ITPR1: variants seen among roughly 807,000 people sequenced by gnomAD.
The protein encoded by ITPR1 is inositol 1,4,5-trisphosphate receptor type 1, also known as inositol 1,4,5-trisphosphate-gated calcium channel ITPR1.
A neutral mutation model predicts 318.4 loss-of-function variants in ITPR1; 96 were observed. That is an observed-to-expected ratio of 0.30 (90% CI 0.26 to 0.36). The LOEUF is 0.36. ITPR1 is among the 10% of genes least tolerant of loss of function. The pLI is 1.00. For synonymous variants in ITPR1, 1,312 were observed against 1,289.9 expected (o/e 1.02, Z -0.37); for missense variants, 2,440 against 3,460.2 (o/e 0.71, Z 7.40).
intron 4 of ITPR1, among the ~76,000 whole-genome samples, chr3:4,609,565 C>T (rs963257151): frequency 3.3e-5 from 5 of 152,084 alleles, no homozygotes; most frequent in African/African-American, 1.2e-4. Flanking sequence ...CCATGGCCCA[C>T]CTCACACGTG....
rs2094279072 is a variant in ITPR1, at chr3:4,680,635, A to G, written c.3050A>G (p.Gln1017Arg). 6.2e-7 allele frequency: 1 copy of G among 1,613,888 alleles called. No individual in the cohort carries two copies. The highest frequency in any genetic ancestry group is 8.5e-7 in the Non-Finnish European group (1 of 1,179,782). The change falls in exon 25 of 62, where the codon CAG becomes CGG. Residue 1017 changes from glutamine (Q) to arginine (R), a missense_variant. Physicochemically the swap from Gln to Arg is conservative, Grantham distance 43. Transcript: ENST00000649015. ...FKREFDESNS[Q>R]TSETSSGNSS... ...CGAGAGTTTGATGAAAGCAATTCCC[A>G]GACTTCAGAAACATCCTCCGGAAAC...
At chr3:4,533,806 T>C (rs535201234) in intron 4 of ITPR1, among the ~76,000 whole-genome samples, 25 of 152,324 alleles carry the variant, frequency 1.6e-4, no homozygotes, top group African/African-American at 6.0e-4. Flanking sequence ...GCACGAGCCT[T>C]GATCAGAGCC....
intron 4 of ITPR1, among the ~76,000 whole-genome samples, chr3:4,590,651 C>A (rs755222614): frequency 6.6e-6 from 1 of 151,896 alleles, no homozygotes; most frequent in African/African-American, 2.4e-5. Context: ...TGAGCTCAAG[C>A]GATCCTCTTG....
chr3:4,622,518 G>T (rs1238645697), intron 4 of ITPR1, among the ~76,000 whole-genome samples: 1 of 150,670 alleles, frequency 6.6e-6, no homozygotes, highest in Non-Finnish European at 1.5e-5. Context: ...CCGCCTCCCG[G>T]GTTCAAGTGG....
intron 41 of ITPR1, among the ~76,000 whole-genome samples, chr3:4,725,932 G>T (rs2042483420): frequency 6.6e-6 from 1 of 152,194 alleles, no homozygotes; most frequent in Non-Finnish European, 1.5e-5. Flanking sequence ...CCTGTGCAGA[G>T]ATGATGCACT....
chr3:4,582,816 T>G lies in ITPR1; in HGVS notation c.164-44947T>G, dbSNP rs2125054063. ...AGCAATACTAGACTTTCTAGAAAAA[T>G]GTATGGAATGTGTTCTCCTTCTTCC... On this transcript the variant is annotated intron_variant, in intron 4 of 61. Transcript: ENST00000649015. Among the ~76,000 whole-genome samples, 3 of 152,236 alleles carry G rather than the reference T, an allele frequency of 2.0e-5. 1 individual carries two copies. In the Middle Eastern group the frequency reaches 0.01, roughly 518 times the overall value.
chr3:4,664,685 C>T (rs370858067), intron 16 of ITPR1, among the ~76,000 whole-genome samples: 1 of 152,318 alleles, frequency 6.6e-6, no homozygotes, highest in South Asian at 2.1e-4. Flanking sequence ...TGGCAGGAGC[C>T]TTCATTGATT....
At chr3:4,644,705 AC>A (rs2093416169) in intron 8 of ITPR1, among the ~76,000 whole-genome samples, 1 of 152,208 alleles carries the variant, frequency 6.6e-6, no homozygotes, top group South Asian at 2.1e-4. Flanking sequence ...CAAGGATGTT[AC>A]TTCCTTGTGA....
chr3:4,566,604 G>GCACGCACA (rs1553626571), intron 4 of ITPR1, among the ~76,000 whole-genome samples: 1 of 140,898 alleles, frequency 7.1e-6, no homozygotes. Flanking sequence ...GGGGACACAT[G>GCACGCACA]CACACACACA....
chr3:4,681,624 A>AGTGTGTGTGTGTGTGTGT (rs10665371), intron 26 of ITPR1, among the ~76,000 whole-genome samples: 54 of 145,888 alleles, frequency 3.7e-4, no homozygotes, highest in Middle Eastern at 3.5e-3. Context: ...AGAGAGAGAA[A>AGTGTGTGTGTGTGTGTGT]GTGTGTGTGT....
At chr3:4,663,619 A>G (rs2093885052) in intron 16 of ITPR1, among the ~76,000 whole-genome samples, 1 of 152,198 alleles carries the variant, frequency 6.6e-6, no homozygotes, top group Non-Finnish European at 1.5e-5. Flanking sequence ...ACAGTGAGAC[A>G]TTTGTGACAA....
intron 60 of ITPR1, among the ~76,000 whole-genome samples, chr3:4,828,564 T>C (rs2050232102): frequency 6.6e-6 from 1 of 152,172 alleles, no homozygotes; most frequent in South Asian, 2.1e-4. Context: ...CCAGCAAGTG[T>C]GCACCCTGTG....
chr3:4,640,796 A>C (rs1309000753), intron 6 of ITPR1, among the ~76,000 whole-genome samples: 1 of 152,190 alleles, frequency 6.6e-6, no homozygotes, highest in African/African-American at 2.4e-5. Context: ...AATTAATCTT[A>C]GTTATTATTA....
At chr3:4,735,943 A>G (rs1392955940) in intron 44 of ITPR1, among the ~76,000 whole-genome samples, 1 of 152,244 alleles carries the variant, frequency 6.6e-6, no homozygotes, top group Non-Finnish European at 1.5e-5. Flanking sequence ...ACTAATAATA[A>G]AAACTCAAAT....
At chr3:4,585,794 A>C (rs1032457630) in intron 4 of ITPR1, among the ~76,000 whole-genome samples, 1 of 152,004 alleles carries the variant, frequency 6.6e-6, no homozygotes, top group African/African-American at 2.4e-5. Flanking sequence ...TTATACTTTA[A>C]GTTCTGGGTT....
intron 44 of ITPR1, among the ~76,000 whole-genome samples, chr3:4,761,395 G>GA (rs2045436793): frequency 6.6e-6 from 1 of 152,170 alleles, no homozygotes; most frequent in African/African-American, 2.4e-5. Flanking sequence ...ATTTGCTTAG[G>GA]AAAATGACCC....
intron 53 of ITPR1, among the ~76,000 whole-genome samples, chr3:4,797,584 C>T (rs569088764): frequency 2.6e-5 from 4 of 152,282 alleles, no homozygotes; most frequent in African/African-American, 4.8e-5. Context: ...CTTTCAAAAG[C>T]GTGCAACTCA....
At chr3:4,787,686 A>G (rs571703897) in intron 51 of ITPR1, among the ~76,000 whole-genome samples, 2 of 152,264 alleles carry the variant, frequency 1.3e-5, no homozygotes, top group African/African-American at 2.4e-5. Flanking sequence ...TGACAGAGCA[A>G]GACTCCTGAC....
chr3:4,603,795 G>C lies in ITPR1; in HGVS notation c.164-23968G>C, dbSNP rs573876789. 3.3e-5 allele frequency among the ~76,000 whole-genome samples: 5 copies of C among 152,312 alleles called. No homozygotes were observed. The South Asian group carries it at 6.2e-4, about 19-fold the overall frequency. ...TCTTTGCTATTGTGAACAGCACTGT[G>C]ATGAACGTACGAGTGCGTGTGTCTT... On this transcript the variant is annotated intron_variant, in intron 4 of 61. Transcript: ENST00000649015.
Sources: allele counts gnomAD v4.1 joint callset (sites outside exome capture counted in the v4.1 genomes callset), GRCh38; gene constraint gnomAD v4.1.1; transcripts MANE v1.5; gene names NCBI Gene and HGNC (gene_info 2026-07-23, HGNC 2026-07-21).